The following CLDN18 variants were observed in gnomAD, a reference collection of about 807,000 sequenced individuals.
CLDN18 encodes the protein claudin 18.
A neutral mutation model predicts 25.0 loss-of-function variants in CLDN18; 20 were observed. The observed-to-expected ratio is 0.80, with a 90% CI of 0.56 to 1.16. The LOEUF is 1.16. Among genes scored for constraint, CLDN18 ranks in the 50% most tolerant of loss-of-function variants. CLDN18 has a pLI of 0.00. For missense variants in CLDN18, 297 were observed against 345.4 expected (o/e 0.86, Z 1.11); for synonymous variants, 125 against 135.6 (o/e 0.92, Z 0.54).
At chr3:138,009,938 C>T (rs1429607801), upstream of CLDN18, 3 of 402,772 alleles carry the variant, frequency 7.4e-6, no homozygotes, top group Admixed American at 7.5e-5. Flanking sequence ...CGGTCTGGCC[C>T]GGAGCAGGGA....
chr3:138,010,278 T>C lies in CLDN18; in HGVS notation c.53T>C (p.Leu18Pro). ...VVAFLLSILG[L>P]AGCIAATGMD... The stretch of plus-strand genomic sequence containing the variant: ...GCGTTCCTCCTGTCCATCCTGGGGC[T>C]GGCCGGCTGCATCGCGGCCACCGGG... The change falls in exon 1 of 5, where the codon CTG (leucine) becomes CCG (proline). Residue 18 changes from leucine to proline, a missense_variant. Coordinates refer to ENST00000183605, the MANE Select transcript of CLDN18 (RefSeq NM_016369.4). The C allele has an allele frequency of 6.2e-7, 1 of 1,614,132 alleles. No homozygotes were observed. Among genetic ancestry groups the C allele is most frequent in the South Asian group, 1.1e-5 (1 of 91,090 alleles).
At chr3:138,012,109 A>G (rs535133959) in intron 1 of CLDN18, among the ~76,000 whole-genome samples, 5 of 152,172 alleles carry the variant, frequency 3.3e-5, no homozygotes, top group South Asian at 2.1e-4. Context: ...TCACTTATGC[A>G]TATGGCCTCC....
At chr3:138,006,975 A>T (rs1418010375), upstream of CLDN18, among the ~76,000 whole-genome samples, 1 of 152,210 alleles carries the variant, frequency 6.6e-6, no homozygotes, top group Non-Finnish European at 1.5e-5. Context: ...TGCATAGGGA[A>T]ACTGGGGGGG....
At position 138,029,842 on chromosome 3, in the gene CLDN18, C is replaced by T. The variant is rs201712712; in HGVS notation, c.549C>T (p.Gly183=). 19 of 1,595,952 alleles carry T rather than the reference C, an allele frequency of 1.2e-5. No individual in the cohort carries two copies. The East Asian group carries it at 3.6e-4, about 30-fold the overall frequency. The change falls in exon 4 of 5, where the codon GGC becomes GGT. Residue 183 remains glycine, a synonymous_variant. Transcript: ENST00000183605. Reference sequence around the variant, plus strand: ...TGTTCGTGGGCTGGGTCGCTGGAGGCCTCACACTAATTGGGGGTGTGATGA... The same window carrying T: ...TGTTCGTGGGCTGGGTCGCTGGAGGTCTCACACTAATTGGGGGTGTGATGA... ...AALFVGWVAG[G]LTLIGGVMMC...
At chr3:137,999,059 G>A (rs760851002) in exon 1 of CLDN18, 9 of 1,614,048 alleles carry the variant, frequency 5.6e-6, no homozygotes, top group Non-Finnish European at 5.9e-6. Context: ...ACCGAGTGCC[G>A]GGGCTACTTC....
At chr3:138,004,189 A>G (rs962277846) in intron 1 of CLDN18, among the ~76,000 whole-genome samples, 5 of 152,330 alleles carry the variant, frequency 3.3e-5, no homozygotes, top group African/African-American at 1.2e-4. Context: ...AATTACCTAT[A>G]CATATTTTAA....
At chr3:138,024,549 C>T (rs1046550537) in intron 2 of CLDN18, 58 bp from the exon 3 acceptor site, 72 of 1,053,084 alleles carry the variant, frequency 6.8e-5, no homozygotes, top group Middle Eastern at 2.0e-4. Context: ...TAAACTGCCT[C>T]AGAAACATTG....
intron 1 of CLDN18, among the ~76,000 whole-genome samples, chr3:138,017,063 A>AAG (rs1293388819): frequency 6.6e-6 from 1 of 151,632 alleles, no homozygotes; most frequent in Admixed American, 6.6e-5. Flanking sequence ...CTCAAAAAAA[A>AAG]AAAACAAAGA....
chr3:138,002,388 A>G (rs1942028634), intron 1 of CLDN18, among the ~76,000 whole-genome samples: 1 of 152,220 alleles, frequency 6.6e-6, no homozygotes, highest in Non-Finnish European at 1.5e-5. Context: ...AAATGCTTGC[A>G]GGTGATGCTA....
chr3:138,020,835 C>A (rs1480972847), intron 1 of CLDN18, among the ~76,000 whole-genome samples: 1 of 152,208 alleles, frequency 6.6e-6, no homozygotes, highest in Non-Finnish European at 1.5e-5. Flanking sequence ...AGGATACATT[C>A]TGTAAGAGTA....
At chr3:138,015,909 T>C (rs1444625277) in intron 1 of CLDN18, among the ~76,000 whole-genome samples, 2 of 152,216 alleles carry the variant, frequency 1.3e-5, no homozygotes, top group South Asian at 2.1e-4. Flanking sequence ...ACAAGTTGTA[T>C]TGTATAAACT....
In CLDN18 at chr3:138,011,050, A is replaced by T. The variant is rs148172092; in HGVS notation, c.220+605A>T. Among the ~76,000 whole-genome samples the T allele has an allele frequency of 1.1e-3, 169 of 152,306 alleles. 1 individual carries two copies. The highest frequency in any genetic ancestry group is 3.5e-3 in the African/African-American group (147 of 41,578). ...AGAATTATAATTATATTATGTCAGA[A>T]TATAAATATAATTATAAATGTGACA... On this transcript the variant is annotated intron_variant, in intron 1 of 4. Transcript: ENST00000183605.
At chr3:138,018,043 T>G (rs1284856221) in intron 1 of CLDN18, among the ~76,000 whole-genome samples, 2 of 152,198 alleles carry the variant, frequency 1.3e-5, no homozygotes, top group African/African-American at 4.8e-5. Context: ...TAGTCAGTGG[T>G]GCAGCATCAT....
At chr3:138,012,161 G>A (rs969271783) in intron 1 of CLDN18, among the ~76,000 whole-genome samples, 1 of 152,076 alleles carries the variant, frequency 6.6e-6, no homozygotes, top group African/African-American at 2.4e-5. Context: ...GTCAAGTTCT[G>A]TCTCTCTCCT....
intron 1 of CLDN18, 125 bp downstream of exon 1, chr3:138,010,570 T>C (rs532674733): frequency 8.0e-7 from 1 of 1,252,458 alleles, no homozygotes; most frequent in East Asian, 2.5e-5. Context: ...GAATGAAAGG[T>C]GTGAATAAAA....
intron 1 of CLDN18, among the ~76,000 whole-genome samples, chr3:138,015,900 C>G (rs1170735996): frequency 6.6e-6 from 1 of 152,192 alleles, no homozygotes; most frequent in African/African-American, 2.4e-5. Context: ...TTCAATGCAA[C>G]AAGTTGTATT....
At chr3:138,003,043 A>G (rs1559802698) in intron 1 of CLDN18, among the ~76,000 whole-genome samples, 1 of 152,210 alleles carries the variant, frequency 6.6e-6, no homozygotes, top group Non-Finnish European at 1.5e-5. Context: ...AAATCTAGGA[A>G]GACAGACATA....
upstream of CLDN18, chr3:138,010,153 C>T (rs774612228): frequency 5.7e-5 from 88 of 1,545,474 alleles, no homozygotes; most frequent in Non-Finnish European, 6.9e-5. Context: ...CCCTCAGGAG[C>T]GCGTTAGCTT....
At chr3:138,012,949 G>T (rs938704039) in intron 1 of CLDN18, among the ~76,000 whole-genome samples, 3 of 152,194 alleles carry the variant, frequency 2.0e-5, no homozygotes, top group Non-Finnish European at 2.9e-5. Flanking sequence ...CTGAACTTTA[G>T]CTTACTAACT....
Sources: gnomAD v4.1 joint callset for allele counts (sites outside exome capture counted in the v4.1 genomes callset) on GRCh38, gnomAD v4.1.1 for gene constraint, MANE v1.5 for transcripts, NCBI Gene and HGNC (gene_info 2026-07-23, HGNC 2026-07-21) for gene names.